The following DUS2 variants were observed in gnomAD, a reference collection of about 807,000 sequenced individuals.
DUS2 encodes tRNA-dihydrouridine(20) synthase [NAD(P)+]-like.
A neutral mutation model predicts 71.3 loss-of-function variants in DUS2; 52 were observed. The ratio of observed to expected loss-of-function variants is 0.73; its 90% CI spans 0.58 to 0.92. The LOEUF is 0.92. DUS2 is among the 40% of genes least tolerant of loss of function. The pLI, the probability that DUS2 is intolerant of heterozygous loss-of-function variation, is 0.00. For missense variants in DUS2, 558 were observed against 622.6 expected, an observed-to-expected ratio of 0.90 and a Z score of 1.10; for synonymous variants, 204 against 227.8, an observed-to-expected ratio of 0.90 and a Z score of 0.94.
intron 3 of DUS2, among the ~76,000 whole-genome samples, chr16:68,047,829 G>A (rs1349348520): frequency 6.6e-6 from 1 of 150,776 alleles, no homozygotes; most frequent in Non-Finnish European, 1.5e-5. Context: ...TGCCCAGGGT[G>A]GCATGCAGTG....
At chr16:68,040,945 A>G (rs1414958431) in intron 3 of DUS2, among the ~76,000 whole-genome samples, 2 of 152,040 alleles carry the variant, frequency 1.3e-5, no homozygotes, top group Admixed American at 6.6e-5. Flanking sequence ...AAACCCCACA[A>G]AGTCGCCGAG....
rs1265445541 is a variant in DUS2, at chr16:68,038,149, G to A, written c.126G>A (p.Glu42=). Residue 42 remains glutamate, a splice_region_variant and synonymous_variant, in exon 3 of 17, where the codon GAG becomes GAA. Coordinates refer to ENST00000565263, the MANE Select transcript of DUS2 (RefSeq NM_017803.5). ...LDYGADIVYC[E]ELIDLKMIQC... ...ATGGAGCGGACATTGTTTACTGTGA[G>A]GTAAGGGGCTCTGATTTTCTGGGTG... 1.2e-6 allele frequency: 2 copies of A among 1,613,380 alleles called. No individual in the cohort carries two copies. The highest frequency in any genetic ancestry group is 2.2e-5 in the South Asian group (2 of 91,048).
chr16:68,072,228 T>A (rs1034849930), intron 12 of DUS2, among the ~76,000 whole-genome samples: 2 of 152,238 alleles, frequency 1.3e-5, no homozygotes, highest in Non-Finnish European at 2.9e-5. Flanking sequence ...GGGCAGCCTT[T>A]GTCCTATTTC....
At chr16:68,026,929 A>G (rs1045361501) in intron 2 of DUS2, 2 of 151,166 alleles carry the variant, frequency 1.3e-5, no homozygotes, top group African/African-American at 4.9e-5. Flanking sequence ...CTTTGACTCA[A>G]AAGCCATTCA....
intron 2 of DUS2, among the ~76,000 whole-genome samples, chr16:68,032,820 A>G (rs2033459045): frequency 7.2e-6 from 1 of 139,714 alleles, no homozygotes; most frequent in South Asian, 2.4e-4. Flanking sequence ...AGGCTGAGGC[A>G]GGAGGCTGAA....
intron 7 of DUS2, among the ~76,000 whole-genome samples, chr16:68,058,294 G>A (rs1013702456): frequency 1.3e-5 from 2 of 150,324 alleles, no homozygotes; most frequent in Non-Finnish European, 2.9e-5. Flanking sequence ...GTGCAATCTC[G>A]GCTGACTGCA....
chr16:68,068,027 C>T (rs2034034148), intron 10 of DUS2, among the ~76,000 whole-genome samples: 1 of 152,222 alleles, frequency 6.6e-6, no homozygotes, highest in South Asian at 2.1e-4. Context: ...AATGACTAAA[C>T]AATCCTTCTA....
chr16:68,049,676 C>T (rs1322809657), intron 4 of DUS2, 126 bp downstream of exon 4: 3 of 867,496 alleles, frequency 3.5e-6, no homozygotes. Flanking sequence ...AGATCACATG[C>T]TCCCTTGAGA....
At chr16:68,060,819 G>T (rs1373338023) in intron 7 of DUS2, among the ~76,000 whole-genome samples, 1 of 152,042 alleles carries the variant, frequency 6.6e-6, no homozygotes, top group Non-Finnish European at 1.5e-5. Context: ...CTGCACTCCA[G>T]CCTGGGTGAC....
intron 4 of DUS2, among the ~76,000 whole-genome samples, chr16:68,050,241 A>G (rs2033759778): frequency 6.6e-6 from 1 of 151,892 alleles, no homozygotes; most frequent in Non-Finnish European, 1.5e-5. Context: ...AGGTTCAAGC[A>G]GTTCTCCTGC....
Position 68,079,315 on chromosome 16 carries a change from C to T in DUS2, c.*329C>T, listed in dbSNP as rs1045087327. The T allele has an allele frequency of 1.5e-5, 3 of 201,242 alleles. No homozygotes were observed. The highest frequency in any genetic ancestry group is 4.6e-5 in the African/African-American group (2 of 43,300). 12.5% of individuals were successfully genotyped at this position (201,242 alleles called of 1,614,324 possible). On this transcript the variant is annotated 3_prime_UTR_variant, in exon 17 of 17. Coordinates refer to ENST00000565263, the MANE Select transcript of DUS2 (RefSeq NM_017803.5). ...TGGCTGCTTCAGCCTTGGGCATCTT[C>T]ATAAATGGGCTTGTGTCCTGGCATG...
rs949505016 is a variant in DUS2 at position 68,023,308 on chromosome 16, C to A, written c.-142C>A. ...CAGTACGGTGTGTGGAGCTGGAGCA[C>A]CGTGAGGAAGAAGCGAGGTTCTTTT... On this transcript the variant is annotated 5_prime_UTR_variant, in exon 1 of 17. Transcript: ENST00000565263. 6 of 1,318,888 alleles carry A rather than the reference C, an allele frequency of 4.5e-6. No individual in the cohort carries two copies. Among genetic ancestry groups the A allele is most frequent in the Middle Eastern group, 2.6e-4 (1 of 3,854 alleles). 81.7% of individuals were successfully genotyped at this position (1,318,888 alleles called of 1,614,324 possible). A position where few individuals can be genotyped will look rare whatever the true frequency, so the allele number is the denominator to read the frequency against.
intron 2 of DUS2, among the ~76,000 whole-genome samples, chr16:68,033,095 G>A (rs139532289): frequency 8.3e-4 from 126 of 152,068 alleles, no homozygotes; most frequent in Non-Finnish European, 1.5e-3. Context: ...AGGTATAAAC[G>A]GGGGAGTGGT....
At chr16:68,075,315 C>T (rs1033973957) in intron 13 of DUS2, 40 bp from the exon 14 acceptor site, 1 of 1,522,492 alleles carries the variant, frequency 6.6e-7, no homozygotes, top group African/African-American at 1.4e-5. Context: ...GATGCTGGCT[C>T]CGCTAAAGTG....
At chr16:68,056,814 ATTATATATTATATATAATG>A (rs1229186514) in intron 7 of DUS2, among the ~76,000 whole-genome samples, 6 of 146,072 alleles carry the variant, frequency 4.1e-5, no homozygotes, top group African/African-American at 1.2e-4. Context: ...TATATATTTT[ATTATATATTATATATAATG>A]TTATATATTA....
intron 3 of DUS2, among the ~76,000 whole-genome samples, chr16:68,041,140 C>T (rs1003640790): frequency 2.0e-5 from 3 of 151,946 alleles, no homozygotes; most frequent in Non-Finnish European, 2.9e-5. Flanking sequence ...GCAGGAGAAA[C>T]GCCTGAACCT....
chr16:68,042,961 G>A (rs2033652716), intron 3 of DUS2, among the ~76,000 whole-genome samples: 1 of 152,146 alleles, frequency 6.6e-6, no homozygotes, highest in African/African-American at 2.4e-5. Flanking sequence ...GCCCGCCTCA[G>A]CCTCCCAAAG....
At chr16:68,065,531 T>A (rs775396621) in intron 8 of DUS2, among the ~76,000 whole-genome samples, 1 of 152,042 alleles carries the variant, frequency 6.6e-6, no homozygotes, top group African/African-American at 2.4e-5. Flanking sequence ...CTCTGGAGGC[T>A]GAAGTGGGAG....
At position 68,053,643 on chromosome 16, in the gene DUS2, G is replaced by T; in HGVS notation, c.252G>T (p.Val84=). The change falls in exon 5 of 17, where the codon GTG becomes GTT. Residue 84 remains valine, a synonymous_variant. Coordinates refer to ENST00000565263, the MANE Select transcript of DUS2 (RefSeq NM_017803.5). ...CCTGTGAAAGAGAGCAGAACAGGGTGGTCTTCCAGATGGTGAGAGACTCCA... is the reference window on the plus strand; with the variant it reads ...CCTGTGAAAGAGAGCAGAACAGGGTTGTCTTCCAGATGGTGAGAGACTCCA... ...FRTCEREQNR[V]VFQMGTSDAE... is the part of the protein sequence containing the mutation. 6.2e-7 allele frequency: 1 copy of T among 1,614,174 alleles called. No individual in the cohort carries two copies. The highest frequency in any genetic ancestry group is 1.1e-5 in the South Asian group (1 of 91,090).
Sources: gnomAD v4.1 joint callset for allele counts (sites outside exome capture counted in the v4.1 genomes callset) on GRCh38, gnomAD v4.1.1 for gene constraint, MANE v1.5 for transcripts, NCBI Gene and HGNC (gene_info 2026-07-23, HGNC 2026-07-21) for gene names.